Variants in ATRN observed in about 807,000 individuals in gnomAD.
ATRN encodes the protein attractin, also known as attractin-2.
Under a neutral mutation model 178.7 loss-of-function variants are expected in ATRN, and 54 were observed. That is an observed-to-expected ratio of 0.30 (90% CI 0.24 to 0.38). ATRN has a LOEUF of 0.38. Among genes scored for constraint, ATRN ranks in the 10% least tolerant of loss-of-function variants. The pLI is 1.00. For synonymous variants in ATRN, 636 were observed against 663.0 expected, an observed-to-expected ratio of 0.96 and a Z score of 0.63; for missense variants, 1,443 against 1,815.1, an observed-to-expected ratio of 0.79 and a Z score of 3.73.
At chr20:3,627,743 G>T (rs2086953997) in intron 25 of ATRN, among the ~76,000 whole-genome samples, 1 of 152,156 alleles carries the variant, frequency 6.6e-6, no homozygotes, top group African/African-American at 2.4e-5. Context: ...ACCATTAAAA[G>T]AAAAATATGC....
chr20:3,611,041 T>C (rs1232748165), intron 24 of ATRN, among the ~76,000 whole-genome samples: 1 of 152,140 alleles, frequency 6.6e-6, no homozygotes, highest in Non-Finnish European at 1.5e-5. Flanking sequence ...ATTAACGCAA[T>C]ATTGATCACA....
At chr20:3,476,719 G>T (rs2084536461) in intron 1 of ATRN, among the ~76,000 whole-genome samples, 2 of 152,262 alleles carry the variant, frequency 1.3e-5, no homozygotes, top group Admixed American at 1.3e-4. Flanking sequence ...AATTAGCCAG[G>T]CATGGTGGCG....
intron 1 of ATRN, among the ~76,000 whole-genome samples, chr20:3,534,516 AG>A (rs2085496560): frequency 6.6e-6 from 1 of 152,170 alleles, no homozygotes; most frequent in Non-Finnish European, 1.5e-5. Context: ...TTAGTGCATT[AG>A]GAGTAGCTGG....
chr20:3,536,408 A>G (rs11697786), intron 2 of ATRN, among the ~76,000 whole-genome samples: 1 of 151,806 alleles, frequency 6.6e-6, no homozygotes. Context: ...ACAGGGTTTC[A>G]CCATGTTGGC....
chr20:3,592,412 A>AG (rs892201979), intron 19 of ATRN: 2 of 971,720 alleles, frequency 2.1e-6, no homozygotes, highest in African/African-American at 3.5e-5. Flanking sequence ...AAAAAAAAAA[A>AG]AAGAAAAAAA....
At position 3,641,590 on chromosome 20, in the gene ATRN, CAAAAAAAAAAAAAAA is replaced by C. The variant is rs61692220; in HGVS notation, c.4051-2553_4051-2539del. Among the ~76,000 whole-genome samples, 5 of 47,822 alleles carry C rather than the reference CAAAAAAAAAAAAAAA, an allele frequency of 1.0e-4. No homozygotes were observed. In the Admixed American group the frequency reaches 1.3e-3, roughly 13 times the overall value. The allele number at this position is 47,822 out of a possible 152,430, so 31.4% of individuals were successfully genotyped here. A position where few individuals can be genotyped will look rare whatever the true frequency, so the allele number is the denominator to read the frequency against. ...TGGGCGACAGAACAAGACTCTGTCG[CAAAAAAAAAAAAAAA>C]AAAAAAAAAAGGGAAAAGATCACCT... On this transcript the variant is annotated intron_variant, in intron 27 of 28. Transcript: ENST00000262919.
intron 1 of ATRN, among the ~76,000 whole-genome samples, chr20:3,534,835 G>A (rs1211572172): frequency 6.6e-6 from 1 of 152,106 alleles, no homozygotes; most frequent in African/African-American, 2.4e-5. Context: ...CGCTGGGTGT[G>A]AGGGCTCAAG....
intron 18 of ATRN, among the ~76,000 whole-genome samples, chr20:3,588,694 C>T (rs2086392275): frequency 6.6e-6 from 1 of 152,102 alleles, no homozygotes; most frequent in South Asian, 2.1e-4. Context: ...GTACTGGCCT[C>T]CTAGAGTAAG....
rs372300970 is a variant in ATRN at position 3,559,376 on chromosome 20, A to G, written c.1113-17A>G. On this transcript the variant is annotated splice_polypyrimidine_tract_variant and intron_variant, in intron 6 of 28. Coordinates refer to ENST00000262919, the MANE Select transcript of ATRN (RefSeq NM_139321.3). Reference sequence around the variant, plus strand: ...GTCTTATTAGTTGGGTGAAAATATGATCTGTTTGTTTTGTAGGTATGACCT... The same window carrying G: ...GTCTTATTAGTTGGGTGAAAATATGGTCTGTTTGTTTTGTAGGTATGACCT... 31 of 1,568,998 alleles carry G rather than the reference A, an allele frequency of 2.0e-5. No individual in the cohort carries two copies. Among genetic ancestry groups the G allele is most frequent in the Non-Finnish European group, 2.5e-5 (29 of 1,139,240 alleles).
Position 3,582,252 on chromosome 20 carries a change from A to C in ATRN, c.2662A>C (p.Ser888Arg). ...ACTACAGTGGATGCCGTCTGAGCCC[A>C]GTGATGCTGGATTCTGTGGAATTTT... ...SLLQWMPSEP[S>R]DAGFCGILSE... Residue 888 changes from serine (S) to arginine (R), a missense_variant, in exon 16 of 29, where the codon AGT becomes CGT. Transcript: ENST00000262919. 1 of 1,613,798 alleles carries C rather than the reference A, an allele frequency of 6.2e-7. No individual in the cohort carries two copies. The highest frequency in any genetic ancestry group is 8.5e-7 in the Non-Finnish European group (1 of 1,180,024).
At chr20:3,558,753 A>G (rs1444793800) in intron 6 of ATRN, among the ~76,000 whole-genome samples, 1 of 152,056 alleles carries the variant, frequency 6.6e-6, no homozygotes, top group Non-Finnish European at 1.5e-5. Flanking sequence ...TAAAAACAGT[A>G]GAGTTTTTCT....
chr20:3,605,409 A>G (rs991332111), intron 24 of ATRN, among the ~76,000 whole-genome samples: 3 of 152,240 alleles, frequency 2.0e-5, no homozygotes, highest in Non-Finnish European at 4.4e-5. Flanking sequence ...TACTGGGTGT[A>G]TATCCAAAAG....
At chr20:3,545,668 T>G in intron 3 of ATRN, 94 bp from the exon 4 acceptor site, 6 of 1,508,898 alleles carry the variant, frequency 4.0e-6, no homozygotes, top group Non-Finnish European at 5.4e-6. Flanking sequence ...GGTTTTTAAA[T>G]TTTAAGGACG....
At chr20:3,512,331 C>T (rs1241658026) in intron 1 of ATRN, among the ~76,000 whole-genome samples, 19 of 146,402 alleles carry the variant, frequency 1.3e-4, no homozygotes, top group Admixed American at 3.5e-4. Flanking sequence ...TTGTTCAATT[C>T]CCACCTATGA....
chr20:3,508,102 A>G (rs577510934), intron 1 of ATRN, among the ~76,000 whole-genome samples: 6 of 152,056 alleles, frequency 3.9e-5, no homozygotes. Flanking sequence ...TAATCCCAGT[A>G]CTTTGGGAGG....
intron 24 of ATRN, among the ~76,000 whole-genome samples, chr20:3,624,296 G>T (rs998429764): frequency 6.6e-6 from 1 of 152,204 alleles, no homozygotes; most frequent in Non-Finnish European, 1.5e-5. Context: ...AGAAGGGGCT[G>T]CAGGAGGCTG....
chr20:3,561,110 CAG>C (rs910690221), intron 8 of ATRN, among the ~76,000 whole-genome samples: 1 of 152,102 alleles, frequency 6.6e-6, no homozygotes, highest in Admixed American at 6.5e-5. Flanking sequence ...CACCTAAGGT[CAG>C]GAGTTCAAGA....
At chr20:3,622,683 CACGTTATG>C (rs1292736541) in intron 24 of ATRN, among the ~76,000 whole-genome samples, 2 of 152,232 alleles carry the variant, frequency 1.3e-5, no homozygotes, top group Non-Finnish European at 2.9e-5. Context: ...TAAACATTTT[CACGTTATG>C]ACCTTTGCCT....
chr20:3,484,494 CTT>C (rs924845187), intron 1 of ATRN, among the ~76,000 whole-genome samples: 5 of 152,062 alleles, frequency 3.3e-5, no homozygotes, highest in African/African-American at 1.2e-4. Context: ...ATTTAATTAT[CTT>C]TATATGGTAA....
Sources: gnomAD v4.1 joint callset for allele counts (sites outside exome capture counted in the v4.1 genomes callset) on GRCh38, gnomAD v4.1.1 for gene constraint, MANE v1.5 for transcripts, NCBI Gene and HGNC (gene_info 2026-07-23, HGNC 2026-07-21) for gene names.